Variants in NLRC3 observed in about 807,000 individuals in gnomAD.
NLRC3 encodes the protein NLR family CARD domain-containing protein 3.
A neutral mutation model predicts 91.6 loss-of-function variants in NLRC3; 87 were observed. The ratio of observed to expected loss-of-function variants is 0.95; its 90% CI spans 0.80 to 1.14. The LOEUF (loss-of-function observed/expected upper bound fraction) is 1.14, where lower values mean the gene tolerates loss of function less well. Among genes scored for constraint, NLRC3 ranks in the 50% most tolerant of loss-of-function variants. NLRC3 has a pLI of 0.00. For missense variants in NLRC3, 1,577 were observed against 1,418.6 expected (o/e 1.11, Z -1.79); for synonymous variants, 694 against 625.3 (o/e 1.11, Z -1.64).
chr16:3,577,029 TC>T (rs2151111834), intron 1 of NLRC3, 119 bp downstream of exon 1: 1 of 690,368 alleles, frequency 1.4e-6, no homozygotes, highest in East Asian at 2.7e-5. Context: ...TCTTGGAGTC[TC>T]GTGGAGTCTC....
intron 1 of NLRC3, among the ~76,000 whole-genome samples, chr16:3,573,477 G>T (rs1487062607): frequency 6.6e-6 from 1 of 152,182 alleles, no homozygotes; most frequent in Non-Finnish European, 1.5e-5. Context: ...AGGTATGTCA[G>T]CCCAAATGAA....
chr16:3,541,048 T>C lies in NLRC3; in HGVS notation c.*777A>G, dbSNP rs1172748557. On this transcript the variant is annotated 3_prime_UTR_variant, in exon 20 of 20. Coordinates refer to ENST00000359128, the MANE Select transcript of NLRC3 (RefSeq NM_178844.4). Reference sequence around the variant, plus strand: ...GATGAAACCCCGTCTCTACTAAAACTACAAAAATTAGCCGGGCATGGTGGC... The same window carrying C: ...GATGAAACCCCGTCTCTACTAAAACCACAAAAATTAGCCGGGCATGGTGGC... The C allele has an allele frequency of 5.3e-5, 8 of 152,100 alleles. No individual in the cohort carries two copies. The highest frequency in any genetic ancestry group is 1.9e-4 in the East Asian group (1 of 5,152). 9.4% of individuals were successfully genotyped at this position (152,100 alleles called of 1,614,324 possible). A position where few individuals can be genotyped will look rare whatever the true frequency, so the allele number is the denominator to read the frequency against.
intron 1 of NLRC3, among the ~76,000 whole-genome samples, chr16:3,573,454 T>C (rs1228030463): frequency 6.6e-6 from 1 of 152,108 alleles, no homozygotes; most frequent in African/African-American, 2.4e-5. Flanking sequence ...CTAGCAATTA[T>C]CTAAACATTC....
chr16:3,558,002 C>T (rs983818475), intron 6 of NLRC3, among the ~76,000 whole-genome samples: 2 of 152,204 alleles, frequency 1.3e-5, no homozygotes, highest in African/African-American at 2.4e-5. Flanking sequence ...ATGCAGATGG[C>T]AGCCAGTGGT....
intron 6 of NLRC3, among the ~76,000 whole-genome samples, chr16:3,560,377 C>T (rs2039550689): frequency 6.6e-6 from 1 of 151,918 alleles, no homozygotes; most frequent in Non-Finnish European, 1.5e-5. Flanking sequence ...GAGCCAAGAT[C>T]GTGCCACTGC....
At position 3,542,190 on chromosome 16, in the gene NLRC3, C is replaced by T. The variant is rs1227640783; in HGVS notation, c.3107+1G>A. On this transcript the variant is annotated splice_donor_variant, in intron 19 of 19. Coordinates refer to ENST00000359128, the MANE Select transcript of NLRC3 (RefSeq NM_178844.4). LOFTEE classifies it high-confidence loss of function. ...TGAGCAGGAAGGGCAGGTGCACTCA[C>T]TTGATATGCTGGAGCCTGTGGTTTC... 4 of 1,573,318 alleles carry T rather than the reference C, an allele frequency of 2.5e-6. No individual in the cohort carries two copies. Among genetic ancestry groups the T allele is most frequent in the Non-Finnish European group, 3.5e-6 (4 of 1,156,692 alleles).
Position 3,563,798 on chromosome 16 carries a change from C to G in NLRC3, c.1139G>C (p.Gly380Ala), listed in dbSNP as rs1334923206. The change falls in exon 5 of 20, where the codon GGC becomes GCC. Residue 380 changes from glycine to alanine, a missense_variant. Physicochemically the swap from Gly to Ala is moderately conservative, Grantham distance 60. Coordinates refer to ENST00000359128, the MANE Select transcript of NLRC3 (RefSeq NM_178844.4). ...MALSGEGQEK[G>A]KASPRIEQVA... ...CTGCTCGATGCGAGGGCTTGCCTTGCCCTTCTCCTGCCCCTCCCCGCTGAG... is the reference window on the plus strand; with the variant it reads ...CTGCTCGATGCGAGGGCTTGCCTTGGCCTTCTCCTGCCCCTCCCCGCTGAG... The G allele has an allele frequency of 6.2e-7, 1 of 1,611,456 alleles. No individual in the cohort carries two copies. The highest frequency in any genetic ancestry group is 1.3e-5 in the African/African-American group (1 of 74,928).
At position 3,543,413 on chromosome 16, in the gene NLRC3, T is replaced by C. The variant is rs367735891; in HGVS notation, c.2939+12A>G. On this transcript the variant is annotated intron_variant, in intron 17 of 19. Transcript: ENST00000359128. Reference sequence around the variant, plus strand: ...TGGGCTAAAGACCATAGATGGAGACTGGAATACTTACTCGAGAATCTCCAA... The same window carrying C: ...TGGGCTAAAGACCATAGATGGAGACCGGAATACTTACTCGAGAATCTCCAA... The C allele has an allele frequency of 8.2e-6, 13 of 1,588,864 alleles. No individual in the cohort carries two copies. Among genetic ancestry groups the C allele is most frequent in the Non-Finnish European group, 1.1e-5 (13 of 1,159,070 alleles).
intron 14 of NLRC3, 88 bp from the exon 15 acceptor site, chr16:3,548,306 G>T: frequency 2.0e-6 from 2 of 1,020,086 alleles, no homozygotes; most frequent in Middle Eastern, 2.0e-4. Context: ...GGCAGGAGGT[G>T]GAATCCCTGC....
intron 6 of NLRC3, among the ~76,000 whole-genome samples, chr16:3,558,310 GA>G (rs2039447237): frequency 6.6e-6 from 1 of 152,106 alleles, no homozygotes; most frequent in East Asian, 1.9e-4. Context: ...CAGCCTGAGC[GA>G]CAGAGTGAGA....
chr16:3,548,240 T>A (rs2038802434), intron 14 of NLRC3, 22 bp from the exon 15 acceptor site: 2 of 1,479,442 alleles, frequency 1.4e-6, no homozygotes, highest in African/African-American at 2.8e-5. Flanking sequence ...CAGACACATG[T>A]GACTATGTGA....
chr16:3,549,620 C>A, intron 12 of NLRC3, 77 bp downstream of exon 12: 2 of 1,106,444 alleles, frequency 1.8e-6, no homozygotes, highest in South Asian at 2.7e-5. Context: ...CTGAGACAGG[C>A]TTCCCAGTGC....
At chr16:3,562,864 T>G in intron 5 of NLRC3, 145 bp downstream of exon 5, 4 of 777,416 alleles carry the variant, frequency 5.1e-6, no homozygotes, top group East Asian at 5.4e-5. Context: ...AAAACACACT[T>G]TAGTTGTTTT....
rs2038401418 is a variant in NLRC3, at chr16:3,541,707, GCT to G, written c.*116_*117del. 4.3e-6 allele frequency: 3 copies of G among 694,366 alleles called. No individual in the cohort carries two copies. Among genetic ancestry groups the G allele is most frequent in the East Asian group, 5.4e-5 (2 of 36,970 alleles). The allele number at this position is 694,366 out of a possible 1,614,324, so 43.0% of individuals were successfully genotyped here. A position where few individuals can be genotyped will look rare whatever the true frequency, so the allele number is the denominator to read the frequency against. On this transcript the variant is annotated 3_prime_UTR_variant, in exon 20 of 20. Transcript: ENST00000359128. ...CTCTCCTTCCTCCCTGCAGAGCCCG[GCT>G]CTCGTGCTGAGCAAGCAGCGTTCCC... is the stretch of plus-strand genomic sequence containing the variant.
intron 12 of NLRC3, 46 bp from the exon 13 acceptor site, chr16:3,549,271 T>C: frequency 2.8e-6 from 4 of 1,415,492 alleles, no homozygotes; most frequent in Non-Finnish European, 3.9e-6. Flanking sequence ...GCAGATGAGG[T>C]GTCTGGCAAA....
At chr16:3,569,911 A>G (rs1277969498) in intron 1 of NLRC3, among the ~76,000 whole-genome samples, 1 of 152,200 alleles carries the variant, frequency 6.6e-6, no homozygotes, top group Non-Finnish European at 1.5e-5. Context: ...CCATTCAAAT[A>G]CTATTATGTA....
At position 3,563,521 on chromosome 16, in the gene NLRC3, C is replaced by T. The variant is rs751891856; in HGVS notation, c.1416G>A (p.Arg472=). The T allele has an allele frequency of 8.7e-6, 14 of 1,605,434 alleles. No individual in the cohort carries two copies. The highest frequency in any genetic ancestry group is 1.2e-5 in the Non-Finnish European group (14 of 1,176,406). ...CAGTGAAGAGGTCGAAGATGGCCCT[C>T]CTGGATGCGCCATAGTAATACGCGG... ...VAAAYYYGAS[R]RAIFDLFTES... is the part of the protein sequence containing the mutation. Residue 472 remains arginine (R), a synonymous_variant, in exon 5 of 20, where the codon AGG becomes AGA. Transcript: ENST00000359128.
At chr16:3,554,796 C>G (rs958050171) in intron 8 of NLRC3, among the ~76,000 whole-genome samples, 2 of 152,180 alleles carry the variant, frequency 1.3e-5, no homozygotes, top group African/African-American at 4.8e-5. Context: ...AAAACAGGCA[C>G]TGGAAGTCGT....
At chr16:3,542,961 C>G in intron 17 of NLRC3, 186 bp from the exon 18 acceptor site, 1 of 582,234 alleles carries the variant, frequency 1.7e-6, no homozygotes, top group South Asian at 2.1e-5. Context: ...GCAGGGCACA[C>G]AGGGGCATGG....
Sources: gnomAD v4.1 joint callset for allele counts (sites outside exome capture counted in the v4.1 genomes callset) on GRCh38, gnomAD v4.1.1 for gene constraint, MANE v1.5 for transcripts, NCBI Gene and HGNC (gene_info 2026-07-23, HGNC 2026-07-21) for gene names.